MPP7: variants seen among roughly 807,000 people sequenced by gnomAD.
The protein encoded by MPP7 is MAGUK p55 subfamily member 7.
MPP7 carries 60 observed loss-of-function variants against 76.5 expected under a neutral mutation model. The observed-to-expected ratio is 0.78, with a 90% confidence interval of 0.64 to 0.97. The LOEUF is 0.97. Ranked by LOEUF, MPP7 falls within the 50% of genes least tolerant of loss-of-function variation. The pLI is 0.00. For missense variants in MPP7, 641 were observed against 694.0 expected (o/e 0.92, Z 0.86); for synonymous variants, 237 against 244.5 (o/e 0.97, Z 0.29).
intron 14 of MPP7, 46 bp from the exon 15 acceptor site, chr10:28,058,649 AT>A: frequency 9.7e-7 from 1 of 1,030,016 alleles, no homozygotes; most frequent in South Asian, 1.8e-5. Context: ...ATTTAAAACA[AT>A]TATAGGTGGC....
At chr10:28,197,607 G>A (rs1158720555) in intron 3 of MPP7, among the ~76,000 whole-genome samples, 1 of 152,114 alleles carries the variant, frequency 6.6e-6, no homozygotes, top group Non-Finnish European at 1.5e-5. Context: ...AGCTCCAAAT[G>A]AGGCCTATCT....
chr10:28,164,738 C>A (rs1324152331), intron 3 of MPP7, among the ~76,000 whole-genome samples: 1 of 151,868 alleles, frequency 6.6e-6, no homozygotes, highest in African/African-American at 2.4e-5. Flanking sequence ...GATAATTCTT[C>A]TTCTTCCAAT....
chr10:28,179,177 ACACT>A (rs1209616679), intron 3 of MPP7, among the ~76,000 whole-genome samples: 2 of 152,132 alleles, frequency 1.3e-5, no homozygotes, highest in Non-Finnish European at 2.9e-5. Flanking sequence ...CTCCTCCAAC[ACACT>A]CACACTGGTT....
chr10:28,165,168 AATCGCCCGAGCCTGTGACTAT>A (rs1420531141), intron 3 of MPP7, among the ~76,000 whole-genome samples: 1 of 152,130 alleles, frequency 6.6e-6, no homozygotes. Flanking sequence ...TCTGCATCCA[AATCGCCCGAGCCTGTGACTAT>A]GTTACCTCAC....
chr10:28,313,129 C>CCTGT (rs1356523363), intron 2 of MPP7, among the ~76,000 whole-genome samples: 1 of 152,114 alleles, frequency 6.6e-6, no homozygotes, highest in Non-Finnish European at 1.5e-5. Flanking sequence ...CCAAAAATTC[C>CCTGT]CTGTCCCTGG....
intron 11 of MPP7, among the ~76,000 whole-genome samples, chr10:28,108,251 A>G (rs185374602): frequency 2.4e-4 from 37 of 152,350 alleles, no homozygotes; most frequent in African/African-American, 7.9e-4. Flanking sequence ...GAGAAAATAC[A>G]CAGTAAATAC....
rs866178164 is a variant in MPP7, at chr10:28,266,429, A to T, written c.-131-27694T>A. Among the ~76,000 whole-genome samples the T allele has an allele frequency of 2.6e-5, 4 of 152,130 alleles. No individual in the cohort carries two copies. The South Asian group carries it at 8.3e-4, about 31-fold the overall frequency. On this transcript the variant is annotated intron_variant, in intron 1 of 16. Transcript: ENST00000683449. ...AACTTCTGCGCTTCAGGTCCTCATA[A>T]CATATAGTTTTGCCATGAAGAATTA...
intron 1 of MPP7, among the ~76,000 whole-genome samples, chr10:28,256,199 G>T (rs1160949254): frequency 6.6e-6 from 1 of 151,882 alleles, no homozygotes; most frequent in Admixed American, 6.6e-5. Context: ...AGAGAGAAAA[G>T]TTACCAAGGT....
At chr10:28,082,000 C>T (rs946971818) in intron 12 of MPP7, among the ~76,000 whole-genome samples, 4 of 152,136 alleles carry the variant, frequency 2.6e-5, no homozygotes, top group Admixed American at 6.5e-5. Flanking sequence ...GATCCACCTG[C>T]CTCAGCCTCC....
At chr10:28,207,071 C>T (rs568250807) in intron 2 of MPP7, among the ~76,000 whole-genome samples, 2 of 152,106 alleles carry the variant, frequency 1.3e-5, no homozygotes, top group South Asian at 4.1e-4. Context: ...AGTGAAATAA[C>T]AGAAAGTTAC....
intron 3 of MPP7, among the ~76,000 whole-genome samples, chr10:28,170,944 T>C (rs1836659899): frequency 6.6e-6 from 1 of 152,204 alleles, no homozygotes; most frequent in Non-Finnish European, 1.5e-5. Context: ...AGAATAACCA[T>C]ATCAGTATAT....
upstream of MPP7, among the ~76,000 whole-genome samples, chr10:28,306,837 GA>G (rs1841261132): frequency 6.6e-6 from 1 of 152,174 alleles, no homozygotes; most frequent in African/African-American, 2.4e-5. Context: ...TCGCAGACCT[GA>G]AAAGCCAGGA....
chr10:28,159,006 C>T (rs142425217), intron 3 of MPP7, among the ~76,000 whole-genome samples: 90 of 152,248 alleles, frequency 5.9e-4, no homozygotes, highest in African/African-American at 2.1e-3. Flanking sequence ...CCCAAGCCAA[C>T]TCCCCTACCC....
At chr10:28,191,519 T>C (rs997604530) in intron 3 of MPP7, among the ~76,000 whole-genome samples, 7 of 152,336 alleles carry the variant, frequency 4.6e-5, no homozygotes, top group Admixed American at 3.3e-4. Flanking sequence ...TGATACTTTT[T>C]GAGTGCTGAC....
intron 1 of MPP7, among the ~76,000 whole-genome samples, chr10:28,255,939 T>C (rs1245462150): frequency 2.6e-5 from 4 of 152,178 alleles, no homozygotes. Flanking sequence ...ATGAGTGTTT[T>C]ACTTCCTTTA....
chr10:28,288,627 A>C (rs1840841165), intron 1 of MPP7, among the ~76,000 whole-genome samples: 1 of 152,208 alleles, frequency 6.6e-6, no homozygotes, highest in African/African-American at 2.4e-5. Flanking sequence ...GATATAACTC[A>C]TGTAAAGCAA....
In MPP7 at chr10:28,277,400, A is replaced by T. The variant is rs917337040; in HGVS notation, c.-132+25461T>A. 7.1e-4 allele frequency among the ~76,000 whole-genome samples: 108 copies of T among 151,932 alleles called. 2 individuals carry two copies. The highest frequency in any genetic ancestry group is 3.4e-3 in the Middle Eastern group (1 of 294). ...AATTAATTAAAAAAATAAATTTTTTAAAAAATTAAAATCACAAAAACGATC... is the reference window on the plus strand; with the variant it reads ...AATTAATTAAAAAAATAAATTTTTTTAAAAATTAAAATCACAAAAACGATC... On this transcript the variant is annotated intron_variant, in intron 1 of 16. Coordinates refer to ENST00000683449, the MANE Select transcript of MPP7 (RefSeq NM_001318170.2).
chr10:28,221,824 A>G (rs58432720), intron 2 of MPP7, among the ~76,000 whole-genome samples: 18 of 152,204 alleles, frequency 1.2e-4, no homozygotes, highest in African/African-American at 4.3e-4. Flanking sequence ...GCTGCACTAT[A>G]TCGGAAAGAG....
intron 2 of MPP7, chr10:28,236,609 T>C (rs1470081145): frequency 6.6e-6 from 1 of 152,172 alleles, no homozygotes; most frequent in East Asian, 1.9e-4. Context: ...TGTTTTTATG[T>C]ATTACTTGTA....
Sources: allele counts gnomAD v4.1 joint callset (sites outside exome capture counted in the v4.1 genomes callset), GRCh38; gene constraint gnomAD v4.1.1; transcripts MANE v1.5; gene names NCBI Gene and HGNC (gene_info 2026-07-23, HGNC 2026-07-21).